Variants in FAT3 observed in about 807,000 individuals in gnomAD.
The protein encoded by FAT3 is protocadherin Fat 3.
A neutral mutation model predicts 310.2 loss-of-function variants in FAT3; 95 were observed. The ratio of observed to expected loss-of-function variants is 0.31; its 90% confidence interval spans 0.26 to 0.36. The LOEUF is 0.36. Ranked by LOEUF, FAT3 falls within the 10% of genes least tolerant of loss-of-function variation. FAT3 has a pLI of 1.00. For missense variants in FAT3, 5,408 were observed against 5,715.6 expected, an observed-to-expected ratio of 0.95 and a Z score of 1.74; for synonymous variants, 2,314 against 2,192.9, an observed-to-expected ratio of 1.06 and a Z score of -1.54.
At chr11:92,600,965 C>T (rs1244853552) in intron 3 of FAT3, among the ~76,000 whole-genome samples, 1 of 151,972 alleles carries the variant, frequency 6.6e-6, no homozygotes, top group Admixed American at 6.6e-5. Flanking sequence ...AACAGAAATG[C>T]AAAGGTCTTG....
chr11:92,405,052 C>T (rs1950107439), intron 2 of FAT3, among the ~76,000 whole-genome samples: 1 of 152,092 alleles, frequency 6.6e-6, no homozygotes, highest in Non-Finnish European at 1.5e-5. Flanking sequence ...CATAATCATG[C>T]AAGCCAACTC....
chr11:92,472,147 C>G (rs935315641), intron 2 of FAT3, among the ~76,000 whole-genome samples: 7 of 151,972 alleles, frequency 4.6e-5, no homozygotes, highest in African/African-American at 1.4e-4. Context: ...TCTGTTATAT[C>G]TGAGTTTTAA....
chr11:92,272,299 C>G (rs1348650146), intron 1 of FAT3, among the ~76,000 whole-genome samples: 1 of 151,958 alleles, frequency 6.6e-6, no homozygotes, highest in East Asian at 1.9e-4. Flanking sequence ...CACATAAGGC[C>G]GAGTGGGCTA....
intron 1 of FAT3, among the ~76,000 whole-genome samples, chr11:92,319,332 A>C (rs1480677570): frequency 6.6e-6 from 1 of 151,134 alleles, no homozygotes; most frequent in Non-Finnish European, 1.5e-5. Flanking sequence ...TATGTGTTCA[A>C]CACTGAATGA....
intron 3 of FAT3, among the ~76,000 whole-genome samples, chr11:92,580,080 C>G (rs112434251): frequency 1.4e-3 from 210 of 152,124 alleles, no homozygotes; most frequent in South Asian, 4.6e-3. Context: ...AGCTTATAAT[C>G]TTGCTTTTGT....
At chr11:92,448,799 A>T (rs1255376649) in intron 2 of FAT3, among the ~76,000 whole-genome samples, 1 of 152,032 alleles carries the variant, frequency 6.6e-6, no homozygotes, top group African/African-American at 2.4e-5. Flanking sequence ...AATCTTAGGG[A>T]TTTAACTTGT....
intron 2 of FAT3, among the ~76,000 whole-genome samples, chr11:92,421,844 G>A (rs770924988): frequency 3.3e-5 from 5 of 152,286 alleles, no homozygotes; most frequent in Middle Eastern, 3.4e-3. Context: ...AACAGGCAGC[G>A]AGCTGAGCCC....
At chr11:92,650,600 T>C (rs761236743) in intron 3 of FAT3, among the ~76,000 whole-genome samples, 6 of 152,166 alleles carry the variant, frequency 3.9e-5, no homozygotes, top group Non-Finnish European at 8.8e-5. Context: ...CTGATTTTTG[T>C]GGTGTAAATA....
At chr11:92,860,510 A>G (rs926651715) in intron 21 of FAT3, among the ~76,000 whole-genome samples, 1 of 152,210 alleles carries the variant, frequency 6.6e-6, no homozygotes, top group Non-Finnish European at 1.5e-5. Flanking sequence ...ATCTCATGCT[A>G]TTCTCACCAG....
At chr11:92,259,040 G>A (rs1007975252) in intron 1 of FAT3, among the ~76,000 whole-genome samples, 1 of 151,894 alleles carries the variant, frequency 6.6e-6, no homozygotes, top group Non-Finnish European at 1.5e-5. Context: ...AAGTTGTTGG[G>A]CAGGAAAGAG....
intron 3 of FAT3, among the ~76,000 whole-genome samples, chr11:92,678,733 A>C (rs1943372043): frequency 6.6e-6 from 1 of 152,174 alleles, no homozygotes; most frequent in Non-Finnish European, 1.5e-5. Flanking sequence ...TCAATTAATA[A>C]TTTAATTGCT....
At chr11:92,846,973 ATG>A in intron 19 of FAT3, among the ~76,000 whole-genome samples, 1 of 152,300 alleles carries the variant, frequency 6.6e-6, no homozygotes, top group Admixed American at 6.5e-5. Flanking sequence ...TGTTTTATAG[ATG>A]TGGTAGCTTT....
chr11:92,806,844 A>G (rs1347925148), intron 12 of FAT3, among the ~76,000 whole-genome samples: 3 of 152,208 alleles, frequency 2.0e-5, no homozygotes, highest in Non-Finnish European at 4.4e-5. Flanking sequence ...GGAGTAGTCA[A>G]TGATTTTTAG....
intron 3 of FAT3, among the ~76,000 whole-genome samples, chr11:92,672,236 A>C (rs1943153151): frequency 6.6e-6 from 1 of 152,168 alleles, no homozygotes; most frequent in South Asian, 2.1e-4. Flanking sequence ...CCCCAGACCT[A>C]CTCATCAAAT....
intron 1 of FAT3, among the ~76,000 whole-genome samples, chr11:92,285,215 G>A (rs1364613142): frequency 6.6e-6 from 1 of 152,120 alleles, no homozygotes; most frequent in Non-Finnish European, 1.5e-5. Flanking sequence ...CAGAGTGTAA[G>A]AGTGCTCTGC....
At chr11:92,711,225 T>G (rs1170363656) in intron 4 of FAT3, among the ~76,000 whole-genome samples, 3 of 152,208 alleles carry the variant, frequency 2.0e-5, no homozygotes, top group Non-Finnish European at 4.4e-5. Context: ...AGAAATCTAA[T>G]AAATACTTTA....
chr11:92,481,167 T>C (rs1952214158), intron 2 of FAT3, among the ~76,000 whole-genome samples: 1 of 152,292 alleles, frequency 6.6e-6, no homozygotes, highest in East Asian at 1.9e-4. Flanking sequence ...GCAAGGAAAA[T>C]GCTAAATCAT....
At chr11:92,226,463 G>T (rs533659078) in intron 1 of FAT3, among the ~76,000 whole-genome samples, 1 of 152,126 alleles carries the variant, frequency 6.6e-6, no homozygotes, top group African/African-American at 2.4e-5. Flanking sequence ...GTTTGGCTGC[G>T]AGCTAAGAGA....
chr11:92,558,712 T>G (rs1332247389), intron 3 of FAT3, among the ~76,000 whole-genome samples: 1 of 152,162 alleles, frequency 6.6e-6, no homozygotes, highest in African/African-American at 2.4e-5. Flanking sequence ...GAAGTATTTT[T>G]CAGGAGCCTT....
Sources: gnomAD v4.1 joint callset for allele counts (sites outside exome capture counted in the v4.1 genomes callset) on GRCh38, gnomAD v4.1.1 for gene constraint, MANE v1.5 for transcripts, NCBI Gene and HGNC (gene_info 2026-07-23, HGNC 2026-07-21) for gene names.